The following MAP2K5 variants were observed in gnomAD, a reference collection of about 807,000 sequenced individuals.
MAP2K5 encodes dual specificity mitogen-activated protein kinase kinase 5.
In MAP2K5, 49 loss-of-function variants were observed where a neutral mutation model predicts 83.1. The ratio of observed to expected loss-of-function variants is 0.59; its 90% CI spans 0.47 to 0.75. The LOEUF is 0.75. MAP2K5 is among the 30% of genes least tolerant of loss of function. MAP2K5 has a pLI of 0.00. For synonymous variants in MAP2K5, 202 were observed against 191.8 expected (o/e 1.05, Z -0.44); for missense variants, 457 against 557.5 (o/e 0.82, Z 1.82).
rs187013123 is a variant in MAP2K5 at position 67,740,679 on chromosome 15, A to G, written c.1075-7552A>G. ...TTATATACTTCTTTCAGTAAGATTT[A>G]TATACTTCTCGGTCTTCTCTCATTT... On this transcript the variant is annotated intron_variant, in intron 17 of 21. Coordinates refer to ENST00000178640, the MANE Select transcript of MAP2K5 (RefSeq NM_145160.3). Among the ~76,000 whole-genome samples, 598 of 152,232 alleles carry G rather than the reference A, an allele frequency of 3.9e-3. 3 individuals carry two copies. The highest frequency in any genetic ancestry group is 6.9e-3 in the Non-Finnish European group (467 of 68,018).
intron 21 of MAP2K5, among the ~76,000 whole-genome samples, chr15:67,797,314 C>T (rs2090621752): frequency 6.6e-6 from 1 of 152,154 alleles, no homozygotes; most frequent in South Asian, 2.1e-4. Flanking sequence ...GATTGTATTC[C>T]TTCGGAGGTT....
In MAP2K5 at chr15:67,775,965, G is replaced by A. The variant is rs1199881417; in HGVS notation, c.1242+3213G>A. On this transcript the variant is annotated intron_variant, in intron 21 of 21. Transcript: ENST00000178640. This position sits in a 1 kb window ranked among gnomAD's most constrained non-coding sequence, Gnocchi z 5.3. Reference sequence around the variant, plus strand: ...TTAAGACATTCCACTTCTATACAAGGAACCCTGGGAACACCACACTTATCC... The same window carrying A: ...TTAAGACATTCCACTTCTATACAAGAAACCCTGGGAACACCACACTTATCC... Among the ~76,000 whole-genome samples the A allele has an allele frequency of 1.3e-5, 2 of 152,154 alleles. No individual in the cohort carries two copies. Among genetic ancestry groups the A allele is most frequent in the African/African-American group, 4.8e-5 (2 of 41,426 alleles).
chr15:67,657,659 TTAAC>T (rs960550622), intron 11 of MAP2K5, among the ~76,000 whole-genome samples: 2 of 151,880 alleles, frequency 1.3e-5, no homozygotes, highest in African/African-American at 4.8e-5. Context: ...CAAGCAAAGT[TTAAC>T]TAAGAGTGAT....
chr15:67,586,894 G>A lies in MAP2K5; in HGVS notation c.412G>A (p.Asp138Asn). The A allele has an allele frequency of 6.2e-7, 1 of 1,614,162 alleles. No homozygotes were observed. Among genetic ancestry groups the A allele is most frequent in the Non-Finnish European group, 8.5e-7 (1 of 1,180,028 alleles). Residue 138 changes from aspartate (D) to asparagine (N), a missense_variant, in exon 6 of 22, where the codon GAT becomes AAT. By Grantham distance (23) the Asp-to-Asn change is conservative. Around this residue, in one of 3 missense-constraint regions of MAP2K5, gnomAD observed 234 missense variants for 243.6 expected, o/e 0.96. Transcript: ENST00000178640. ...TCAACACAGCAGCCCAGCAGTCTCA[G>A]ATTCACTTCCAAGCAATAGGTGCGA... is the stretch of plus-strand genomic sequence containing the variant. ...PSQHSSPAVS[D>N]SLPSNSLKKS...
intron 15 of MAP2K5, among the ~76,000 whole-genome samples, chr15:67,695,868 G>T (rs957526850): frequency 6.6e-6 from 1 of 152,126 alleles, no homozygotes; most frequent in Admixed American, 6.5e-5. Context: ...AAATTGCTTT[G>T]CTTCTTAGGT....
Position 67,789,637 on chromosome 15 carries a change from C to T in MAP2K5, c.1242+16885C>T, listed in dbSNP as rs574283558. The stretch of plus-strand genomic sequence containing the variant: ...ACTGAGGCAGGAGAATTGCTTGAAC[C>T]CGGGGAGGTGGAGGTTGCAGTGAGC... On this transcript the variant is annotated intron_variant, in intron 21 of 21. Coordinates refer to ENST00000178640, the MANE Select transcript of MAP2K5 (RefSeq NM_145160.3). Among the ~76,000 whole-genome samples, 3 of 151,840 alleles carry T rather than the reference C, an allele frequency of 2.0e-5. No homozygotes were observed. The South Asian group carries it at 6.2e-4, about 32-fold the overall frequency.
rs115221094 is a variant in MAP2K5 at position 67,638,080 on chromosome 15, T to A, written c.585+7153T>A. ...TTTTTAACTTTTAATTTAACTTTTT[T>A]AATTTAACTTTTAAGGGGTACATGT... On this transcript the variant is annotated intron_variant, in intron 9 of 21. Coordinates refer to ENST00000178640, the MANE Select transcript of MAP2K5 (RefSeq NM_145160.3). This position sits in a 1 kb window ranked among gnomAD's most constrained non-coding sequence, Gnocchi z 4.5. 0.023 allele frequency among the ~76,000 whole-genome samples: 3,429 copies of A among 152,236 alleles called. 59 individuals carry two copies. The highest frequency in any genetic ancestry group is 0.04 in the African/African-American group (1,682 of 41,548).
intron 13 of MAP2K5, among the ~76,000 whole-genome samples, chr15:67,673,593 G>A (rs995518340): frequency 4.6e-5 from 7 of 151,860 alleles, no homozygotes; most frequent in Admixed American, 1.3e-4. Flanking sequence ...GGGATTTGGG[G>A]CAAAAATAAA....
Position 67,764,124 on chromosome 15 carries a change from G to A in MAP2K5, c.1135-5478G>A, listed in dbSNP as rs2089999955. Among the ~76,000 whole-genome samples the A allele has an allele frequency of 6.6e-6, 1 of 152,178 alleles. No homozygotes were observed. The highest frequency in any genetic ancestry group is 1.5e-5 in the Non-Finnish European group (1 of 68,030). Reference sequence around the variant, plus strand: ...GGCCATATTTCATTTAACTTGCCATGCTGGTTTAATCCAACCACAGTACAG... The same window carrying A: ...GGCCATATTTCATTTAACTTGCCATACTGGTTTAATCCAACCACAGTACAG... On this transcript the variant is annotated intron_variant, in intron 19 of 21. Coordinates refer to ENST00000178640, the MANE Select transcript of MAP2K5 (RefSeq NM_145160.3). This position sits in a 1 kb window ranked among gnomAD's most constrained non-coding sequence, Gnocchi z 4.9.
intron 1 of MAP2K5, among the ~76,000 whole-genome samples, chr15:67,545,128 G>C (rs1026409224): frequency 1.3e-5 from 2 of 152,014 alleles, no homozygotes; most frequent in South Asian, 4.2e-4. Flanking sequence ...GCTCTTCACC[G>C]GTCAATTCCC....
chr15:67,569,977 G>C (rs12916707), intron 3 of MAP2K5, among the ~76,000 whole-genome samples: 1,528 of 152,348 alleles, frequency 0.01, 11 homozygotes, highest in Non-Finnish European at 0.014. Context: ...AGGAATAGCA[G>C]AATTGCTACA....
chr15:67,678,776 C>T (rs1485918693), intron 13 of MAP2K5, among the ~76,000 whole-genome samples: 2 of 152,026 alleles, frequency 1.3e-5, no homozygotes, highest in Non-Finnish European at 2.9e-5. Flanking sequence ...CCAGCCTGGC[C>T]AATATGGAGA....
chr15:67,715,646 A>T lies in MAP2K5; in HGVS notation c.1044+12238A>T, dbSNP rs566074621. 5.3e-5 allele frequency among the ~76,000 whole-genome samples: 8 copies of T among 152,192 alleles called. No individual in the cohort carries two copies. In the South Asian group the frequency reaches 8.3e-4, roughly 16 times the overall value. On this transcript the variant is annotated intron_variant, in intron 16 of 21. Transcript: ENST00000178640. ...CACAAATACACAGAATTTGAAATTT[A>T]AAAAAAAGCAAAGTCTTGATATGAA...
intron 11 of MAP2K5, among the ~76,000 whole-genome samples, chr15:67,656,347 C>T (rs1402147493): frequency 2.1e-5 from 3 of 139,954 alleles, no homozygotes; most frequent in Non-Finnish European, 4.6e-5. Context: ...TTTTTTGAGA[C>T]AGGGTCTTAC....
At chr15:67,557,234 G>A (rs571166439) in intron 2 of MAP2K5, among the ~76,000 whole-genome samples, 4 of 152,308 alleles carry the variant, frequency 2.6e-5, no homozygotes, top group Non-Finnish European at 5.9e-5. Context: ...ATTTTCTCTA[G>A]AGAAGTAACT....
At chr15:67,672,215 C>G (rs112096459) in intron 13 of MAP2K5, among the ~76,000 whole-genome samples, 80,077 of 146,942 alleles carry the variant, frequency 0.54, 22,152 homozygotes, top group Non-Finnish European at 0.6. Flanking sequence ...ATTTCTAGTT[C>G]TAGATCCCTG....
intron 13 of MAP2K5, among the ~76,000 whole-genome samples, chr15:67,674,235 T>C (rs1282862295): frequency 2.0e-5 from 3 of 152,178 alleles, no homozygotes; most frequent in African/African-American, 7.2e-5. Context: ...TATGTTGCCA[T>C]GTGTAATGAT....
At chr15:67,761,462 C>T (rs571000165) in intron 19 of MAP2K5, among the ~76,000 whole-genome samples, 27 of 152,354 alleles carry the variant, frequency 1.8e-4, no homozygotes, top group Non-Finnish European at 2.1e-4. Context: ...AAAGCCAACA[C>T]TCATACACGC....
chr15:67,616,480 C>T (rs192338308), intron 8 of MAP2K5, among the ~76,000 whole-genome samples: 13 of 152,198 alleles, frequency 8.5e-5, no homozygotes, highest in East Asian at 3.9e-4. Flanking sequence ...CTCTGATGGA[C>T]GTCCTATAAA....
Sources: gnomAD v4.1 joint callset for allele counts (sites outside exome capture counted in the v4.1 genomes callset) on GRCh38, gnomAD v4.1.1 for gene constraint, gnomAD v4.1.1 regional missense constraint, Gnocchi (gnomAD v3.1) non-coding constraint, MANE v1.5 for transcripts, NCBI Gene and HGNC (gene_info 2026-07-23, HGNC 2026-07-21) for gene names.